Variants in IL1RAP observed in about 807,000 individuals in gnomAD.
IL1RAP encodes interleukin-1 receptor accessory protein.
A neutral mutation model predicts 60.7 loss-of-function variants in IL1RAP; 35 were observed. The ratio of observed to expected loss-of-function variants is 0.58; its 90% confidence interval spans 0.44 to 0.76. The LOEUF (loss-of-function observed/expected upper bound fraction) is 0.76, where lower values mean the gene tolerates loss of function less well. Among genes scored for constraint, IL1RAP ranks in the 30% least tolerant of loss-of-function variants. IL1RAP has a pLI of 0.00. For synonymous variants in IL1RAP, 268 were observed against 250.9 expected (o/e 1.07, Z -0.64); for missense variants, 572 against 693.9 (o/e 0.82, Z 1.97).
intron 3 of IL1RAP, among the ~76,000 whole-genome samples, chr3:190,591,594 T>G (rs1438958833): frequency 1.3e-5 from 2 of 152,212 alleles, no homozygotes; most frequent in Non-Finnish European, 2.9e-5. Context: ...GTGAAATAAC[T>G]TTATTTCATG....
rs200028035 is a variant in IL1RAP, at chr3:190,549,752, C to CT, written c.-88-6375dup. The stretch of plus-strand genomic sequence containing the variant: ...ACTGGTTTAAGGTTTGGGAAATTAA[C>CT]TTTCCCAGTTTGGAGCCTGCATCCA... On this transcript the variant is annotated intron_variant, in intron 1 of 11. Transcript: ENST00000447382. 8.6e-3 allele frequency among the ~76,000 whole-genome samples: 1,311 copies of CT among 152,268 alleles called. 27 individuals are homozygous for CT. The highest frequency in any genetic ancestry group is 0.031 in the African/African-American group (1,273 of 41,542).
chr3:190,528,382 A>T (rs185862388), intron 1 of IL1RAP, among the ~76,000 whole-genome samples: 5 of 152,350 alleles, frequency 3.3e-5, no homozygotes, highest in African/African-American at 1.2e-4. Context: ...AAGAATACAT[A>T]GCTTTGAATG....
intron 4 of IL1RAP, among the ~76,000 whole-genome samples, chr3:190,604,687 A>G (rs1560206422): frequency 6.6e-6 from 1 of 151,660 alleles, no homozygotes; most frequent in African/African-American, 2.4e-5. Context: ...ATCCCCTCTC[A>G]CCACACCGGT....
At chr3:190,550,292 C>G (rs967556244) in intron 1 of IL1RAP, 1 of 152,178 alleles carries the variant, frequency 6.6e-6, no homozygotes, top group Non-Finnish European at 1.5e-5. Flanking sequence ...TGCCTTTTAA[C>G]CTCTGTTATC....
In IL1RAP at chr3:190,627,959, C is replaced by T. The variant is rs561517749; in HGVS notation, c.902+510C>T. Among the ~76,000 whole-genome samples, 386 of 151,736 alleles carry T rather than the reference C, an allele frequency of 2.5e-3. 1 individual carries two copies. Among genetic ancestry groups the T allele is most frequent in the South Asian group, 4.6e-3 (22 of 4,800 alleles). ...TGCAGTGAGCATGCATTTTCTCTCT[C>T]CTCCTCTTTCTTATCTCATATAACC... On this transcript the variant is annotated intron_variant, in intron 8 of 11. Transcript: ENST00000447382.
intron 1 of IL1RAP, among the ~76,000 whole-genome samples, chr3:190,522,436 T>TATCC (rs1401198697): frequency 6.8e-6 from 1 of 147,388 alleles, no homozygotes; most frequent in Non-Finnish European, 1.5e-5. Flanking sequence ...TCTATCTATC[T>TATCC]ATCTATCTAT....
intron 1 of IL1RAP, among the ~76,000 whole-genome samples, chr3:190,547,944 C>T (rs1485856683): frequency 1.3e-5 from 2 of 152,144 alleles, no homozygotes; most frequent in Non-Finnish European, 2.9e-5. Flanking sequence ...TAAGGGGGGC[C>T]TCTCCGAGGC....
At position 190,571,430 on chromosome 3, in the gene IL1RAP, C is replaced by T. The variant is rs555698581; in HGVS notation, c.64+7077C>T. ...AATCAGGAGGCTGAGGTGGGAGGAT[C>T]ACTTGAGACTGGCCGGTAAAGGCTA... On this transcript the variant is annotated intron_variant, in intron 3 of 11. Transcript: ENST00000447382. Among the ~76,000 whole-genome samples the T allele has an allele frequency of 5.7e-4, 86 of 152,206 alleles. 1 individual carries two copies. Among genetic ancestry groups the T allele is most frequent in the African/African-American group, 1.9e-3 (81 of 41,546 alleles).
chr3:190,599,381 G>T (rs1729656544), intron 3 of IL1RAP, among the ~76,000 whole-genome samples: 1 of 152,052 alleles, frequency 6.6e-6, no homozygotes, highest in African/African-American at 2.4e-5. Flanking sequence ...TTAGGTTCTA[G>T]GTTGGAAATA....
Position 190,604,218 on chromosome 3 carries a change from A to G in IL1RAP, c.155A>G (p.His52Arg). The G allele has an allele frequency of 5.6e-6, 9 of 1,613,990 alleles. No individual in the cohort carries two copies. Among genetic ancestry groups the G allele is most frequent in the Non-Finnish European group, 7.6e-6 (9 of 1,179,976 alleles). The stretch of plus-strand genomic sequence containing the variant: ...CGCATCAAGTGCCCACTCTTTGAAC[A>G]CTTCTTGAAATTCAACTACAGCACA... The part of the protein sequence containing the change: ...PARIKCPLFE[H>R]FLKFNYSTAH... Residue 52 changes from histidine (H) to arginine (R), a missense_variant, in exon 4 of 12, where the codon CAC becomes CGC. By Grantham distance (29) the His-to-Arg change is conservative. Transcript: ENST00000447382.
chr3:190,653,405 T>C (rs1406834534), downstream of IL1RAP, among the ~76,000 whole-genome samples: 1 of 152,192 alleles, frequency 6.6e-6, no homozygotes, highest in Non-Finnish European at 1.5e-5. Context: ...TCAAAAGATA[T>C]TAAGATACAA....
At chr3:190,625,068 A>G (rs1016804538) in intron 7 of IL1RAP, 1 of 154,300 alleles carries the variant, frequency 6.5e-6, no homozygotes, top group Non-Finnish European at 1.5e-5. Flanking sequence ...TGGTTTGCCA[A>G]TAAGTTTAAC....
chr3:190,604,019 A>T, intron 3 of IL1RAP, 109 bp from the exon 4 acceptor site: 1 of 1,089,830 alleles, frequency 9.2e-7, no homozygotes, highest in Non-Finnish European at 1.3e-6. Flanking sequence ...ATGACCAGAG[A>T]AAGAGGTTCT....
chr3:190,544,676 A>G (rs1244116100), intron 1 of IL1RAP, among the ~76,000 whole-genome samples: 1 of 152,158 alleles, frequency 6.6e-6, no homozygotes, highest in Non-Finnish European at 1.5e-5. Flanking sequence ...AAACTGTGGC[A>G]AGGAACCTGA....
chr3:190,635,546 GT>G (rs924799726), intron 9 of IL1RAP, among the ~76,000 whole-genome samples: 4 of 151,988 alleles, frequency 2.6e-5, no homozygotes, highest in Admixed American at 2.0e-4. Flanking sequence ...GAAATGTCGA[GT>G]TTTTGTTATT....
At chr3:190,567,749 C>G (rs936876822) in intron 3 of IL1RAP, among the ~76,000 whole-genome samples, 1 of 152,170 alleles carries the variant, frequency 6.6e-6, no homozygotes, top group African/African-American at 2.4e-5. Flanking sequence ...CTTATCCTGC[C>G]CCCTCACAGC....
At chr3:190,630,588 G>A (rs533539744) in intron 9 of IL1RAP, among the ~76,000 whole-genome samples, 1 of 152,176 alleles carries the variant, frequency 6.6e-6, no homozygotes. Context: ...AAATAGCAAA[G>A]GCCTGAAATG....
chr3:190,583,656 G>A (rs1232970517), intron 3 of IL1RAP, among the ~76,000 whole-genome samples: 2 of 152,290 alleles, frequency 1.3e-5, no homozygotes, highest in South Asian at 2.1e-4. Flanking sequence ...CAGCTATGGT[G>A]GTTTCAAACT....
At chr3:190,557,356 G>C (rs1725512494) in intron 2 of IL1RAP, among the ~76,000 whole-genome samples, 1 of 152,130 alleles carries the variant, frequency 6.6e-6, no homozygotes, top group African/African-American at 2.4e-5. Flanking sequence ...AAATATTAAA[G>C]CACAAAAGGG....
Sources: gnomAD v4.1 joint callset for allele counts (sites outside exome capture counted in the v4.1 genomes callset) on GRCh38, gnomAD v4.1.1 for gene constraint, MANE v1.5 for transcripts, NCBI Gene and HGNC (gene_info 2026-07-23, HGNC 2026-07-21) for gene names.